MOSMO: variants seen among roughly 807,000 people sequenced by gnomAD.
The protein encoded by MOSMO is modulator of smoothened protein.
MOSMO carries 5 observed loss-of-function variants against 18.4 expected under a neutral mutation model. The ratio of observed to expected loss-of-function variants is 0.27; its 90% CI spans 0.14 to 0.57. MOSMO has a LOEUF of 0.57. Ranked by LOEUF, MOSMO falls within the 20% of genes least tolerant of loss-of-function variation. MOSMO has a pLI of 0.92. For missense variants in MOSMO, 138 were observed against 211.8 expected (o/e 0.65, Z 2.16); for synonymous variants, 82 against 82.3 (o/e 1.00, Z 0.02).
chr16:22,026,281 C>G (rs1173520104), intron 1 of MOSMO, among the ~76,000 whole-genome samples: 1 of 138,070 alleles, frequency 7.2e-6, no homozygotes, highest in Non-Finnish European at 1.5e-5. Context: ...TGCTGTGGTG[C>G]GATTTTGGCT....
chr16:22,025,503 A>G (rs973581650), intron 1 of MOSMO, among the ~76,000 whole-genome samples: 4 of 152,186 alleles, frequency 2.6e-5, no homozygotes, highest in African/African-American at 9.6e-5. Flanking sequence ...ACTGTAAAGA[A>G]GAGTAGTCTT....
At chr16:22,017,143 G>A (rs933593991) in intron 1 of MOSMO, among the ~76,000 whole-genome samples, 22 of 152,038 alleles carry the variant, frequency 1.4e-4, no homozygotes, top group African/African-American at 4.8e-4. Flanking sequence ...TAGGTGGTGG[G>A]CCATATTGCA....
At chr16:22,028,689 C>T (rs1899929190) in intron 1 of MOSMO, among the ~76,000 whole-genome samples, 1 of 152,012 alleles carries the variant, frequency 6.6e-6, no homozygotes, top group African/African-American at 2.4e-5. Context: ...TATATGTAAT[C>T]TACTCAGTCA....
chr16:22,075,765 A>T, intron 2 of MOSMO, 66 bp downstream of exon 2: 4 of 1,173,520 alleles, frequency 3.4e-6, no homozygotes, highest in Non-Finnish European at 4.9e-6. Flanking sequence ...TTTTATGAAG[A>T]TAATCAAGAA....
intron 1 of MOSMO, among the ~76,000 whole-genome samples, chr16:22,044,529 T>C (rs1196333844): frequency 1.3e-5 from 2 of 152,180 alleles, no homozygotes; most frequent in African/African-American, 4.8e-5. Flanking sequence ...CTGAAGCATT[T>C]TGGATTTTTG....
chr16:22,032,499 C>T (rs1323946741), intron 1 of MOSMO, among the ~76,000 whole-genome samples: 1 of 152,092 alleles, frequency 6.6e-6, no homozygotes, highest in African/African-American at 2.4e-5. Context: ...GCCCTCTACC[C>T]ATTTTTAAAT....
At chr16:22,076,794 C>T (rs1256500169) in intron 2 of MOSMO, among the ~76,000 whole-genome samples, 1 of 152,170 alleles carries the variant, frequency 6.6e-6, no homozygotes, top group Admixed American at 6.5e-5. Context: ...GCCTCTGTTT[C>T]TTCCTGTATT....
chr16:22,014,005 T>G (rs1287904018), intron 1 of MOSMO, among the ~76,000 whole-genome samples: 2 of 152,126 alleles, frequency 1.3e-5, no homozygotes, highest in Non-Finnish European at 2.9e-5. Context: ...AAAGAGGATA[T>G]TGGAGAATGT....
At chr16:22,036,900 C>T (rs1439641645) in intron 1 of MOSMO, among the ~76,000 whole-genome samples, 1 of 152,096 alleles carries the variant, frequency 6.6e-6, no homozygotes, top group Non-Finnish European at 1.5e-5. Context: ...GTTGTCAAAC[C>T]AGAGAATCTG....
In MOSMO at chr16:22,034,836, T is replaced by G. The variant is rs569166783; in HGVS notation, c.106+26429T>G. On this transcript the variant is annotated intron_variant, in intron 1 of 2. Transcript: ENST00000542527. The stretch of plus-strand genomic sequence containing the variant: ...ACAGTGGTTGCCCAGTCTCAGGTGA[T>G]TCTCCCACCTCAGCCTCCCAGGTAG... 2.7e-5 allele frequency among the ~76,000 whole-genome samples: 4 copies of G among 149,208 alleles called. No homozygotes were observed. The East Asian group carries it at 7.9e-4, about 29-fold the overall frequency.
At chr16:22,009,714 A>G (rs572623009) in intron 1 of MOSMO, among the ~76,000 whole-genome samples, 2 of 146,064 alleles carry the variant, frequency 1.4e-5, no homozygotes, top group East Asian at 4.1e-4. Context: ...TAATCCCAGC[A>G]CTTTGGGAGG....
At chr16:22,042,354 T>A (rs1900225903) in intron 1 of MOSMO, among the ~76,000 whole-genome samples, 1 of 152,186 alleles carries the variant, frequency 6.6e-6, no homozygotes, top group South Asian at 2.1e-4. Flanking sequence ...AAAACATGTA[T>A]CTTCTAATAA....
intron 1 of MOSMO, among the ~76,000 whole-genome samples, chr16:22,025,021 T>A (rs1000101534): frequency 2.0e-5 from 3 of 151,704 alleles, no homozygotes; most frequent in Middle Eastern, 6.3e-3. Flanking sequence ...GTCATGATGA[T>A]GTGTGCCTGT....
chr16:22,030,184 A>G (rs373477695), intron 1 of MOSMO, among the ~76,000 whole-genome samples: 1 of 152,064 alleles, frequency 6.6e-6, no homozygotes, highest in East Asian at 1.9e-4. Context: ...TTCTACCTTC[A>G]CCCTTATTTA....
rs1901130656 is a variant in MOSMO at position 22,084,124 on chromosome 16, T to C, written c.*3244T>C. The stretch of plus-strand genomic sequence containing the variant: ...AATAGTCCTGGTGACAAACAATCTG[T>C]TGATTTAGAGGAAAGGCCCTGAAAA... On this transcript the variant is annotated 3_prime_UTR_variant, in exon 3 of 3. Coordinates refer to ENST00000542527, the MANE Select transcript of MOSMO (RefSeq NM_001164579.2). 6.2e-6 allele frequency: 1 copy of C among 161,592 alleles called. No individual in the cohort carries two copies. Among genetic ancestry groups the C allele is most frequent in the African/African-American group, 2.4e-5 (1 of 41,510 alleles). 10.0% of individuals were successfully genotyped at this position (161,592 alleles called of 1,614,324 possible).
intron 1 of MOSMO, among the ~76,000 whole-genome samples, chr16:22,056,026 C>T (rs1405889804): frequency 1.3e-5 from 2 of 152,166 alleles, no homozygotes; most frequent in African/African-American, 4.8e-5. Flanking sequence ...ATATGTCCTC[C>T]ACACTGTGGT....
chr16:22,020,525 C>T (rs1008890542), intron 1 of MOSMO, among the ~76,000 whole-genome samples: 3 of 151,968 alleles, frequency 2.0e-5, no homozygotes, highest in Non-Finnish European at 4.4e-5. Context: ...GAACTCCCGA[C>T]CTCGGGTGAT....
intron 1 of MOSMO, among the ~76,000 whole-genome samples, chr16:22,047,782 T>C (rs1900344114): frequency 1.3e-5 from 2 of 152,286 alleles, no homozygotes; most frequent in South Asian, 4.1e-4. Context: ...GAGTTAGGAC[T>C]GCAAATAGTT....
intron 1 of MOSMO, among the ~76,000 whole-genome samples, chr16:22,016,714 G>A (rs1043019671): frequency 3.9e-5 from 6 of 152,290 alleles, no homozygotes; most frequent in African/African-American, 1.4e-4. Flanking sequence ...CTATTTACGA[G>A]CCGTGTAATT....
Sources: gnomAD v4.1 joint callset for allele counts (sites outside exome capture counted in the v4.1 genomes callset) on GRCh38, gnomAD v4.1.1 for gene constraint, MANE v1.5 for transcripts, NCBI Gene and HGNC (gene_info 2026-07-23, HGNC 2026-07-21) for gene names.